Variants in SPAG17 observed in about 807,000 individuals in gnomAD.
The protein encoded by SPAG17 is sperm-associated antigen 17.
A neutral mutation model predicts 273.6 loss-of-function variants in SPAG17; 169 were observed. The observed-to-expected ratio is 0.62, with a 90% confidence interval of 0.55 to 0.70. The LOEUF (loss-of-function observed/expected upper bound fraction) is 0.70, where lower values mean the gene tolerates loss of function less well. SPAG17 is among the 30% of genes least tolerant of loss of function. SPAG17 has a pLI of 0.00. For synonymous variants in SPAG17, 825 were observed against 873.2 expected (o/e 0.94, Z 0.97); for missense variants, 2,557 against 2,627.8 (o/e 0.97, Z 0.59).
intron 20 of SPAG17, among the ~76,000 whole-genome samples, chr1:118,053,446 T>C (rs1159861150): frequency 6.6e-6 from 1 of 151,978 alleles, no homozygotes; most frequent in Non-Finnish European, 1.5e-5. Flanking sequence ...AACACAACAT[T>C]CAAAATTGAA....
At chr1:118,074,016 A>C (rs200699993) in intron 16 of SPAG17, 49 bp from the exon 17 acceptor site, 1 of 1,362,122 alleles carries the variant, frequency 7.3e-7, no homozygotes, top group Non-Finnish European at 9.9e-7. Context: ...TTTAAGTCCA[A>C]ATGGAGCCCT....
At chr1:117,968,532 G>A (rs1654170070) in intron 46 of SPAG17, among the ~76,000 whole-genome samples, 1 of 152,188 alleles carries the variant, frequency 6.6e-6, no homozygotes, top group African/African-American at 2.4e-5. Flanking sequence ...GTTTCTGTTT[G>A]GAGTTTCAGC....
rs1454815910 is a variant in SPAG17 at position 118,099,670 on chromosome 1, A to C, written c.765T>G (p.Tyr255Ter). The change falls in exon 6 of 49, where the codon TAT (tyrosine) becomes TAG (stop). Residue 255 changes from tyrosine to a stop codon, truncating the protein, a stop_gained. Transcript: ENST00000336338. LOFTEE classifies it high-confidence loss of function. ...TSVIKISSEN[Y>*]EPLQTHLAAV... ...CTGCCAGGTGTGTCTGCAGAGGTTC[A>C]TAATTCTCTGAAGATATTTTAATCA... is the stretch of plus-strand genomic sequence containing the variant. 1 of 1,614,018 alleles carries C rather than the reference A, an allele frequency of 6.2e-7. No homozygotes were observed. The highest frequency in any genetic ancestry group is 2.2e-5 in the East Asian group (1 of 44,896).
chr1:118,006,722 T>C (rs1353740212), intron 31 of SPAG17, among the ~76,000 whole-genome samples: 1 of 152,200 alleles, frequency 6.6e-6, no homozygotes, highest in Non-Finnish European at 1.5e-5. Context: ...AAGTGACTTA[T>C]ACCATCAGCA....
At chr1:118,088,208 T>C (rs1026153183) in intron 10 of SPAG17, among the ~76,000 whole-genome samples, 1 of 152,198 alleles carries the variant, frequency 6.6e-6, no homozygotes, top group Non-Finnish European at 1.5e-5. Flanking sequence ...CCATCACTCC[T>C]ATATTTCAGT....
intron 3 of SPAG17, among the ~76,000 whole-genome samples, chr1:118,117,506 T>C (rs924669493): frequency 6.6e-6 from 1 of 152,202 alleles, no homozygotes; most frequent in African/African-American, 2.4e-5. Context: ...CTGTGGGGTG[T>C]GGTTTCAAAC....
At chr1:118,169,129 C>T (rs1389612847) in intron 1 of SPAG17, among the ~76,000 whole-genome samples, 4 of 152,154 alleles carry the variant, frequency 2.6e-5, no homozygotes, top group Admixed American at 6.5e-5. Context: ...TTATATTTTA[C>T]TTATATTTAA....
chr1:117,992,822 C>A (rs1657261259), intron 35 of SPAG17, among the ~76,000 whole-genome samples, 174 bp from the exon 36 acceptor site: 1 of 152,042 alleles, frequency 6.6e-6, no homozygotes, highest in Non-Finnish European at 1.5e-5. Flanking sequence ...AAATCGATAA[C>A]AGAACTGGGC....
intron 35 of SPAG17, 94 bp from the exon 36 acceptor site, chr1:117,992,742 A>C: frequency 7.2e-6 from 8 of 1,115,030 alleles, no homozygotes; most frequent in East Asian, 3.0e-5. Context: ...CATAGATATC[A>C]TAATAACTTT....
At chr1:118,157,339 C>T (rs184941439) in intron 1 of SPAG17, among the ~76,000 whole-genome samples, 8 of 152,306 alleles carry the variant, frequency 5.3e-5, no homozygotes, top group Non-Finnish European at 1.0e-4. Context: ...ACACACTCTG[C>T]AGCAATGCGC....
intron 17 of SPAG17, among the ~76,000 whole-genome samples, chr1:118,070,847 C>T (rs1245243283): frequency 6.6e-6 from 1 of 152,102 alleles, no homozygotes; most frequent in East Asian, 1.9e-4. Flanking sequence ...TTGCACATCT[C>T]AATTTGGTCT....
chr1:118,112,559 A>G lies in SPAG17; in HGVS notation c.447+2751T>C, dbSNP rs1570715265. 2.0e-5 allele frequency among the ~76,000 whole-genome samples: 3 copies of G among 152,270 alleles called. No homozygotes were observed. The East Asian group carries it at 5.8e-4, about 29-fold the overall frequency. ...TAGAATTATTGTGTGAGAAAGTCGT[A>G]TTCAGAAGTTCTAAAATACTAAAAT... On this transcript the variant is annotated intron_variant, in intron 4 of 48. Transcript: ENST00000336338.
chr1:118,057,113 A>T (rs1311530105), intron 18 of SPAG17, among the ~76,000 whole-genome samples: 1 of 151,952 alleles, frequency 6.6e-6, no homozygotes, highest in Non-Finnish European at 1.5e-5. Context: ...AGTAGCTGGG[A>T]TTACAGGTGC....
chr1:118,081,490 G>A lies in SPAG17; in HGVS notation c.1915C>T (p.Pro639Ser), dbSNP rs111574779. ...CTTATCTGTTTAGCAAATCTGGCAG[G>A]GTTGTCCCACGGTATGTTGAACATT... is the stretch of plus-strand genomic sequence containing the variant. Reference protein sequence around the residue: ...SEMFNIPWDNPARFAKQIRQQ... With the variant: ...SEMFNIPWDNSARFAKQIRQQ... The change falls in exon 14 of 49, where the codon CCT (proline) becomes TCT (serine). Residue 639 changes from proline to serine, a missense_variant. Transcript: ENST00000336338. 1.2e-6 allele frequency: 2 copies of A among 1,613,644 alleles called. No homozygotes were observed. The highest frequency in any genetic ancestry group is 2.7e-5 in the African/African-American group (2 of 74,924).
chr1:118,011,479 C>A (rs1659462390), intron 30 of SPAG17, among the ~76,000 whole-genome samples: 1 of 152,066 alleles, frequency 6.6e-6, no homozygotes, highest in Non-Finnish European at 1.5e-5. Flanking sequence ...GAAGAGAAAA[C>A]CAAATACCGC....
At chr1:118,182,440 T>A (rs1660994141) in intron 1 of SPAG17, among the ~76,000 whole-genome samples, 1 of 152,230 alleles carries the variant, frequency 6.6e-6, no homozygotes. Context: ...GACTTTCTAA[T>A]GCTGCTAGAG....
chr1:117,997,300 C>G (rs535987701), intron 32 of SPAG17, among the ~76,000 whole-genome samples: 4 of 152,026 alleles, frequency 2.6e-5, no homozygotes, highest in African/African-American at 9.6e-5. Flanking sequence ...AGGGGATGCC[C>G]AAGAGGAGTA....
chr1:117,971,737 A>C (rs1395177088), intron 45 of SPAG17, 126 bp downstream of exon 45: 11 of 699,890 alleles, frequency 1.6e-5, no homozygotes, highest in Non-Finnish European at 2.5e-5. Context: ...GACTGAATGA[A>C]TAATGTGAAG....
chr1:117,956,966 A>G (rs1386697492), intron 48 of SPAG17: 17 of 1,055,418 alleles, frequency 1.6e-5, no homozygotes, highest in Non-Finnish European at 2.0e-5. Context: ...GTATCCAAGT[A>G]TAAAATCAGT....
Sources: gnomAD v4.1 joint callset for allele counts (sites outside exome capture counted in the v4.1 genomes callset) on GRCh38, gnomAD v4.1.1 for gene constraint, MANE v1.5 for transcripts, NCBI Gene and HGNC (gene_info 2026-07-23, HGNC 2026-07-21) for gene names.